The following GABRG1 variants were observed in gnomAD, a reference collection of about 807,000 sequenced individuals.
GABRG1 encodes gamma-aminobutyric acid receptor subunit gamma-1.
A neutral mutation model predicts 49.8 loss-of-function variants in GABRG1; 49 were observed. The ratio of observed to expected loss-of-function variants is 0.98; its 90% CI spans 0.78 to 1.25. The LOEUF is 1.25. Among genes scored for constraint, GABRG1 ranks in the 50% most tolerant of loss-of-function variants. The pLI, the probability that GABRG1 is intolerant of heterozygous loss-of-function variation, is 0.00. For synonymous variants in GABRG1, 232 were observed against 185.1 expected, an observed-to-expected ratio of 1.25 and a Z score of -2.06; for missense variants, 552 against 552.3, an observed-to-expected ratio of 1.00 and a Z score of 0.01.
At chr4:46,093,837 G>C (rs1720084927) in intron 2 of GABRG1, among the ~76,000 whole-genome samples, 1 of 151,788 alleles carries the variant, frequency 6.6e-6, no homozygotes, top group South Asian at 2.1e-4. Flanking sequence ...AATCTTACTG[G>C]ACTAAAAATT....
intron 1 of GABRG1, among the ~76,000 whole-genome samples, chr4:46,107,657 T>G (rs1373561256): frequency 6.6e-6 from 1 of 151,138 alleles, no homozygotes; most frequent in Non-Finnish European, 1.5e-5. Flanking sequence ...GATGATTCTC[T>G]TGACATTGCC....
intron 8 of GABRG1, among the ~76,000 whole-genome samples, chr4:46,051,089 T>C (rs561954737): frequency 6.6e-6 from 1 of 151,884 alleles, no homozygotes; most frequent in South Asian, 2.1e-4. Flanking sequence ...TCACTAAAAG[T>C]AAGGTAATTT....
intron 2 of GABRG1, among the ~76,000 whole-genome samples, chr4:46,093,644 C>T (rs1401090078): frequency 6.6e-6 from 1 of 151,804 alleles, no homozygotes; most frequent in South Asian, 2.1e-4. Context: ...GAGGTGACTA[C>T]CCCATTTATC....
intron 3 of GABRG1, among the ~76,000 whole-genome samples, chr4:46,072,875 C>T (rs1158417632): frequency 2.0e-5 from 3 of 150,568 alleles, no homozygotes; most frequent in African/African-American, 7.5e-5. Flanking sequence ...CTTACTTTGC[C>T]TCTGCTGAGA....
intron 3 of GABRG1, among the ~76,000 whole-genome samples, chr4:46,076,641 A>T (rs970666048): frequency 6.6e-6 from 1 of 151,542 alleles, no homozygotes; most frequent in Non-Finnish European, 1.5e-5. Context: ...GCTGAAGCAA[A>T]CTAGACATTC....
chr4:46,053,842 T>C lies in GABRG1; in HGVS notation c.917-2204A>G, dbSNP rs539852051. ...CACTGTCATTACCTTGAGAAGAACA[T>C]AGTGGATTTTCTATTAAAATATTTC... On this transcript the variant is annotated intron_variant, in intron 7 of 8. Coordinates refer to ENST00000295452, the MANE Select transcript of GABRG1 (RefSeq NM_173536.4). Among the ~76,000 whole-genome samples the C allele has an allele frequency of 3.3e-5, 5 of 152,180 alleles. No homozygotes were observed. In the South Asian group the frequency reaches 6.2e-4, roughly 19 times the overall value.
chr4:46,057,634 T>TCAAG (rs1718503297), intron 7 of GABRG1, among the ~76,000 whole-genome samples: 3 of 152,112 alleles, frequency 2.0e-5, no homozygotes, highest in Non-Finnish European at 4.4e-5. Context: ...AATTACCCTG[T>TCAAG]TAATCAATGT....
chr4:46,055,959 C>A (rs1411597216), intron 7 of GABRG1, among the ~76,000 whole-genome samples: 1 of 13,298 alleles, frequency 7.5e-5, no homozygotes, highest in African/African-American at 4.2e-4. Flanking sequence ...GTGGTGGGGT[C>A]GGGGGGAGGG....
chr4:46,079,277 A>T (rs1194524528), intron 3 of GABRG1, among the ~76,000 whole-genome samples: 2 of 151,804 alleles, frequency 1.3e-5, no homozygotes, highest in East Asian at 1.9e-4. Context: ...AGTATAGCCC[A>T]GGTGACTTCC....
At chr4:46,057,353 C>T (rs915638667) in intron 7 of GABRG1, among the ~76,000 whole-genome samples, 2 of 152,018 alleles carry the variant, frequency 1.3e-5, no homozygotes, top group African/African-American at 4.8e-5. Context: ...ATATAAACTT[C>T]TTTGTGGTTA....
intron 2 of GABRG1, among the ~76,000 whole-genome samples, chr4:46,093,681 T>A (rs1051323525): frequency 6.6e-6 from 1 of 152,032 alleles, no homozygotes; most frequent in Non-Finnish European, 1.5e-5. Flanking sequence ...ACATTCTATG[T>A]GTATATAAAA....
At chr4:46,079,121 T>TA (rs1217765761) in intron 3 of GABRG1, among the ~76,000 whole-genome samples, 7 of 151,752 alleles carry the variant, frequency 4.6e-5, no homozygotes, top group Non-Finnish European at 8.8e-5. Context: ...CGTTTTCTGT[T>TA]AAAAAAGATT....
chr4:46,059,984 A>G (rs772280166), intron 5 of GABRG1, among the ~76,000 whole-genome samples: 14 of 151,868 alleles, frequency 9.2e-5, no homozygotes, highest in South Asian at 2.1e-4. Flanking sequence ...TGTTTTATGT[A>G]TTCTAGATAC....
At position 46,038,290 on chromosome 4, in the gene GABRG1, T is replaced by C. The variant is rs1299197810; in HGVS notation, c.*2698A>G. ...CCATGGAATTCGAAGATAAATAAAA[T>C]ATTACCCTGTCATTGTAAATCCAAA... On this transcript the variant is annotated 3_prime_UTR_variant, in exon 9 of 9. Transcript: ENST00000295452. The C allele has an allele frequency of 6.6e-6, 1 of 151,664 alleles. No individual in the cohort carries two copies. The highest frequency in any genetic ancestry group is 1.5e-5 in the Non-Finnish European group (1 of 67,722). 9.4% of individuals were successfully genotyped at this position (151,664 alleles called of 1,614,324 possible).
At chr4:46,115,579 G>C (rs1234711719) in intron 1 of GABRG1, among the ~76,000 whole-genome samples, 1 of 150,788 alleles carries the variant, frequency 6.6e-6, no homozygotes, top group African/African-American at 2.4e-5. Context: ...ACAGACCAGA[G>C]CATGAATAAG....
intron 3 of GABRG1, among the ~76,000 whole-genome samples, chr4:46,081,090 T>C (rs2109420901): frequency 7.3e-6 from 1 of 137,224 alleles, no homozygotes; most frequent in East Asian, 2.0e-4. Context: ...TGTCACTTTC[T>C]TGCCAACCTT....
chr4:46,116,043 C>G (rs150318016), intron 1 of GABRG1, among the ~76,000 whole-genome samples: 1 of 150,648 alleles, frequency 6.6e-6, no homozygotes, highest in Non-Finnish European at 1.5e-5. Flanking sequence ...AGAATAAATA[C>G]TACAAATAAA....
chr4:46,051,754 T>C (rs1718233388), intron 7 of GABRG1, 116 bp from the exon 8 acceptor site: 1 of 589,116 alleles, frequency 1.7e-6, no homozygotes, highest in African/African-American at 1.9e-5. Context: ...ATATGATTAC[T>C]AGTAATTTAT....
At chr4:46,119,433 C>T (rs1721030518) in intron 1 of GABRG1, among the ~76,000 whole-genome samples, 1 of 151,534 alleles carries the variant, frequency 6.6e-6, no homozygotes, top group Non-Finnish European at 1.5e-5. Context: ...CAGCACCTAT[C>T]AGCAAGATGA....
Sources: allele counts gnomAD v4.1 joint callset (sites outside exome capture counted in the v4.1 genomes callset), GRCh38; gene constraint gnomAD v4.1.1; transcripts MANE v1.5; gene names NCBI Gene and HGNC (gene_info 2026-07-23, HGNC 2026-07-21).